The following LEKR1 variants were observed in gnomAD, a reference collection of about 807,000 sequenced individuals.
LEKR1 encodes the protein leucine, glutamate and lysine rich 1.
A neutral mutation model predicts 72.4 loss-of-function variants in LEKR1; 59 were observed. The observed-to-expected ratio is 0.82, with a 90% confidence interval of 0.66 to 1.01. LEKR1 has a LOEUF of 1.01. LEKR1 is among the 50% of genes least tolerant of loss of function. The pLI is 0.00. For missense variants in LEKR1, 728 were observed against 759.2 expected (o/e 0.96, Z 0.48); for synonymous variants, 257 against 263.2 (o/e 0.98, Z 0.23).
intron 7 of LEKR1, among the ~76,000 whole-genome samples, chr3:156,987,147 G>A (rs114755825): frequency 0.025 from 3,756 of 152,088 alleles, 80 homozygotes; most frequent in Non-Finnish European, 0.039. Context: ...GAAGAGAAAG[G>A]ATTACCACTA....
At chr3:156,956,384 A>G (rs997252517) in intron 6 of LEKR1, among the ~76,000 whole-genome samples, 1 of 152,070 alleles carries the variant, frequency 6.6e-6, no homozygotes, top group Non-Finnish European at 1.5e-5. Flanking sequence ...TTGGCCACCT[A>G]GCCCTAGCAT....
intron 6 of LEKR1, among the ~76,000 whole-genome samples, chr3:156,951,320 T>G (rs769752651): frequency 6.6e-6 from 1 of 151,094 alleles, no homozygotes; most frequent in Non-Finnish European, 1.5e-5. Context: ...TGGCCTGAAT[T>G]TTTTTGTGTG....
chr3:156,942,748 A>G lies in LEKR1; in HGVS notation c.745+34A>G, dbSNP rs1176377749. On this transcript the variant is annotated intron_variant, in intron 6 of 12. Transcript: ENST00000356539. The stretch of plus-strand genomic sequence containing the variant: ...AAGTCTTTTGCTGTTTTTGGTGACT[A>G]GTTATATAAGTACATGAATAAATGT... 3 of 903,040 alleles carry G rather than the reference A, an allele frequency of 3.3e-6. No homozygotes were observed. The East Asian group carries it at 2.2e-4, about 68-fold the overall frequency. The allele number at this position is 903,040 out of a possible 1,614,324, so 55.9% of individuals were successfully genotyped here. A position where few individuals can be genotyped will look rare whatever the true frequency, so the allele number is the denominator to read the frequency against.
chr3:156,874,967 T>C (rs543517092), intron 3 of LEKR1, among the ~76,000 whole-genome samples: 5 of 152,226 alleles, frequency 3.3e-5, no homozygotes, highest in Admixed American at 6.5e-5. Context: ...TCCATATTTT[T>C]GCAATTGTGA....
At chr3:156,840,760 C>T (rs1458570689) in intron 2 of LEKR1, among the ~76,000 whole-genome samples, 3 of 152,156 alleles carry the variant, frequency 2.0e-5, no homozygotes, top group Admixed American at 2.0e-4. Flanking sequence ...CCATAAAAGA[C>T]CTTTTAAATC....
intron 3 of LEKR1, among the ~76,000 whole-genome samples, chr3:156,912,980 T>G (rs1723263316): frequency 1.3e-5 from 2 of 151,788 alleles, no homozygotes; most frequent in Non-Finnish European, 1.5e-5. Flanking sequence ...GCCTGCTGCT[T>G]CTTTCAAAGG....
At chr3:156,832,234 G>A (rs1712514764) in intron 2 of LEKR1, among the ~76,000 whole-genome samples, 1 of 151,466 alleles carries the variant, frequency 6.6e-6, no homozygotes, top group African/African-American at 2.4e-5. Flanking sequence ...AGGAGAGAAA[G>A]TCCTCACTTC....
chr3:157,024,900 A>C lies in LEKR1; in HGVS notation c.1344A>C (p.Lys448Asn). The change falls in exon 11 of 13, where the codon AAA becomes AAC. Residue 448 changes from lysine to asparagine, a missense_variant. Transcript: ENST00000356539. ...AAGATGTAATCCAAAAGTATAAGAA[A>C]GAACAAGAGGAACTACAAATGAAGG... ...KHQDVIQKYK[K>N]EQEELQMKIS... 2 of 1,594,466 alleles carry C rather than the reference A, an allele frequency of 1.3e-6. No homozygotes were observed. The highest frequency in any genetic ancestry group is 4.5e-5 in the East Asian group (2 of 44,752).
At chr3:156,915,662 C>A (rs1032214670) in intron 3 of LEKR1, among the ~76,000 whole-genome samples, 2 of 151,530 alleles carry the variant, frequency 1.3e-5, no homozygotes, top group African/African-American at 4.9e-5. Context: ...GCATATCGGG[C>A]CTGTTTTAGA....
intron 10 of LEKR1, among the ~76,000 whole-genome samples, chr3:157,013,898 A>T (rs552513729): frequency 5.3e-5 from 8 of 152,246 alleles, no homozygotes; most frequent in African/African-American, 1.9e-4. Flanking sequence ...ACATGCAAAA[A>T]AGTAGATAGC....
chr3:156,840,528 A>G lies in LEKR1; in HGVS notation c.48+11151A>G, dbSNP rs182532113. On this transcript the variant is annotated intron_variant, in intron 2 of 12. Coordinates refer to ENST00000356539, the MANE Select transcript of LEKR1 (RefSeq NM_001004316.3). ...CATCAATCTTTCGGGTTTTTCAGTA[A>G]ATCTAGTTAACTCTTAATTAACAAC... Among the ~76,000 whole-genome samples the G allele has an allele frequency of 1.6e-4, 24 of 152,304 alleles. No homozygotes were observed. In the East Asian group the frequency reaches 4.1e-3, roughly 26 times the overall value.
intron 9 of LEKR1, among the ~76,000 whole-genome samples, chr3:156,997,065 A>T (rs957955652): frequency 7.9e-5 from 8 of 100,714 alleles, no homozygotes; most frequent in East Asian, 6.9e-4. Flanking sequence ...AACTTCATTT[A>T]AAAAAAAAAA....
At chr3:156,860,244 G>T (rs745738760) in intron 3 of LEKR1, among the ~76,000 whole-genome samples, 3 of 152,082 alleles carry the variant, frequency 2.0e-5, no homozygotes, top group Non-Finnish European at 2.9e-5. Flanking sequence ...GAAGGTAATT[G>T]GTTAAATTCT....
intron 9 of LEKR1, among the ~76,000 whole-genome samples, chr3:156,999,875 A>G (rs1203679796): frequency 2.6e-5 from 4 of 152,198 alleles, no homozygotes; most frequent in African/African-American, 9.7e-5. Context: ...AACTGAGGCT[A>G]AATTTCTTGC....
intron 3 of LEKR1, among the ~76,000 whole-genome samples, chr3:156,901,955 A>G (rs1193862582): frequency 6.6e-6 from 1 of 152,190 alleles, no homozygotes; most frequent in East Asian, 1.9e-4. Context: ...AAGTGCTAGG[A>G]TTACACGTGT....
At chr3:157,045,179 C>T (rs1048109402) in intron 12 of LEKR1, among the ~76,000 whole-genome samples, 161 bp from the exon 13 acceptor site, 1 of 152,224 alleles carries the variant, frequency 6.6e-6, no homozygotes, top group Non-Finnish European at 1.5e-5. Context: ...CAGATTATTT[C>T]TGTTCTTGAC....
intron 3 of LEKR1, among the ~76,000 whole-genome samples, chr3:156,892,643 T>G (rs1384630266): frequency 6.6e-6 from 1 of 152,252 alleles, no homozygotes; most frequent in Admixed American, 6.5e-5. Context: ...TATACCCTCC[T>G]CTGCCTCACA....
chr3:156,949,030 A>G (rs1229325968), intron 6 of LEKR1, among the ~76,000 whole-genome samples: 1 of 150,910 alleles, frequency 6.6e-6, no homozygotes, highest in Non-Finnish European at 1.5e-5. Context: ...TTTCTTGTAA[A>G]TTTAGGGTAC....
At chr3:156,884,005 A>G (rs960382475) in intron 3 of LEKR1, among the ~76,000 whole-genome samples, 23 of 152,218 alleles carry the variant, frequency 1.5e-4, no homozygotes, top group African/African-American at 5.5e-4. Flanking sequence ...TTCTTACTGG[A>G]CTATTTTTTA....
Sources: gnomAD v4.1 joint callset for allele counts (sites outside exome capture counted in the v4.1 genomes callset) on GRCh38, gnomAD v4.1.1 for gene constraint, MANE v1.5 for transcripts, NCBI Gene and HGNC (gene_info 2026-07-23, HGNC 2026-07-21) for gene names.